The following RGS22 variants were observed in gnomAD, a reference collection of about 807,000 sequenced individuals.
RGS22 encodes the protein regulator of G protein signaling 22, also known as regulator of G-protein signaling 22.
RGS22 carries 148 observed loss-of-function variants against 172.9 expected under a neutral mutation model. The observed-to-expected ratio is 0.86, with a 90% CI of 0.75 to 0.98. The LOEUF is 0.98. Among genes scored for constraint, RGS22 ranks in the 50% least tolerant of loss-of-function variants. The probability of loss-of-function intolerance (pLI) is 0.00; values close to 1 mark genes in which losing one functional copy is unlikely to be tolerated. For synonymous variants in RGS22, 458 were observed against 480.2 expected (o/e 0.95, Z 0.60); for missense variants, 1,347 against 1,440.8 (o/e 0.93, Z 1.05).
intron 10 of RGS22, among the ~76,000 whole-genome samples, chr8:100,051,194 G>C (rs902852075): frequency 1.3e-5 from 2 of 151,436 alleles, no homozygotes; most frequent in African/African-American, 4.9e-5. Flanking sequence ...CAAAGCCCTG[G>C]AGATTTTTCT....
Position 100,070,042 on chromosome 8 carries a change from A to C in RGS22, c.594+1327T>G, listed in dbSNP as rs567260548. Among the ~76,000 whole-genome samples the C allele has an allele frequency of 1.2e-4, 18 of 150,104 alleles. No homozygotes were observed. The East Asian group carries it at 3.1e-3, about 26-fold the overall frequency. On this transcript the variant is annotated intron_variant, in intron 6 of 27. Coordinates refer to ENST00000360863, the MANE Select transcript of RGS22 (RefSeq NM_015668.5). ...GACTCTGTCTCAAAAAAAAAAAAAA[A>C]AAAAAACAAAACAAAACTAGGAGAG...
At chr8:99,983,365 T>C (rs1812749943) in intron 21 of RGS22, among the ~76,000 whole-genome samples, 1 of 152,188 alleles carries the variant, frequency 6.6e-6, no homozygotes, top group African/African-American at 2.4e-5. Flanking sequence ...TTTAATTTCT[T>C]TGAGAAATCT....
intron 16 of RGS22, 28 bp downstream of exon 16, chr8:100,005,985 AGTTT>A (rs1731771111): frequency 6.4e-7 from 1 of 1,554,808 alleles, no homozygotes; most frequent in Non-Finnish European, 8.9e-7. Context: ...CAGGATAAAA[AGTTT>A]GTTTTTCTAA....
At chr8:99,984,031 C>G (rs184714276) in intron 21 of RGS22, among the ~76,000 whole-genome samples, 9 of 152,316 alleles carry the variant, frequency 5.9e-5, no homozygotes, top group Non-Finnish European at 1.2e-4. Flanking sequence ...TGCCTGTAAT[C>G]CCAACAATTT....
intron 6 of RGS22, among the ~76,000 whole-genome samples, chr8:100,068,389 A>G (rs1810695240): frequency 6.6e-6 from 1 of 152,190 alleles, no homozygotes; most frequent in Admixed American, 6.5e-5. Flanking sequence ...GTCTCAACAA[A>G]AAACATTTTG....
chr8:99,965,185 A>G (rs1039017512), intron 24 of RGS22, 150 bp downstream of exon 24: 13 of 455,332 alleles, frequency 2.9e-5, no homozygotes, highest in African/African-American at 2.6e-4. Context: ...GAAGGCTCAA[A>G]GAAACTCCCT....
In RGS22 at chr8:100,041,912, T is replaced by C. The variant is rs181205438; in HGVS notation, c.1828A>G (p.Lys610Glu). 47 of 1,589,690 alleles carry C rather than the reference T, an allele frequency of 3.0e-5. No individual in the cohort carries two copies. In the East Asian group the frequency reaches 7.4e-4, roughly 25 times the overall value. Residue 610 changes from lysine to glutamate, a missense_variant, in exon 12 of 28, where the codon AAG (lysine) becomes GAG (glutamate). Lys to Glu is a moderately conservative substitution (Grantham distance 56, BLOSUM62 1). Coordinates refer to ENST00000360863, the MANE Select transcript of RGS22 (RefSeq NM_015668.5). ...SKDDVIEKGS[K>E]YMSESSKVIH... ...ACTTTGCTGCTTTCTGACATGTACT[T>C]TGACCTAAATTATAAGGATGAGAAC...
intron 14 of RGS22, among the ~76,000 whole-genome samples, chr8:100,021,480 T>C (rs1817594514): frequency 6.6e-6 from 1 of 152,220 alleles, no homozygotes; most frequent in Non-Finnish European, 1.5e-5. Flanking sequence ...CTTGGCCTGA[T>C]GAGAAAGTAC....
In RGS22 at chr8:100,106,015, C is replaced by A; in HGVS notation, c.-94G>T. On this transcript the variant is annotated 5_prime_UTR_variant, in exon 1 of 28. Transcript: ENST00000360863. ...GGTCAGGGCCTGAGCGACGCGGCGA[C>A]GGCGCGCGGGCTCCGGAGCTACGCT... The A allele has an allele frequency of 8.4e-7, 1 of 1,196,156 alleles. No individual in the cohort carries two copies. The highest frequency in any genetic ancestry group is 1.6e-5 in the African/African-American group (1 of 62,674). 74.1% of individuals were successfully genotyped at this position (1,196,156 alleles called of 1,614,324 possible). A position where few individuals can be genotyped will look rare whatever the true frequency, so the allele number is the denominator to read the frequency against.
At chr8:100,095,497 G>GT (rs1405756702) in intron 2 of RGS22, among the ~76,000 whole-genome samples, 1 of 152,022 alleles carries the variant, frequency 6.6e-6, no homozygotes, top group Non-Finnish European at 1.5e-5. Flanking sequence ...TTTTGTTGTT[G>GT]TTTTTTTCCT....
At chr8:100,062,798 A>G (rs372936254) in intron 8 of RGS22, 46 bp from the exon 9 acceptor site, 2 of 1,414,574 alleles carry the variant, frequency 1.4e-6, no homozygotes, top group African/African-American at 2.9e-5. Context: ...CATTGGTAGA[A>G]TATTCAACTA....
intron 4 of RGS22, among the ~76,000 whole-genome samples, chr8:100,076,449 T>G (rs899558157): frequency 6.6e-6 from 1 of 152,244 alleles, no homozygotes; most frequent in African/African-American, 2.4e-5. Context: ...CATTTAGTTT[T>G]GGCATCAGTG....
At chr8:100,087,014 G>A (rs1225666327) in intron 3 of RGS22, among the ~76,000 whole-genome samples, 2 of 152,122 alleles carry the variant, frequency 1.3e-5, no homozygotes, top group Admixed American at 6.5e-5. Flanking sequence ...CCAGGAGAAA[G>A]AGCCCTGGTC....
chr8:99,996,502 A>G lies in RGS22; in HGVS notation c.2978T>C (p.Leu993Pro). 6.2e-7 allele frequency: 1 copy of G among 1,613,568 alleles called. No individual in the cohort carries two copies. Among genetic ancestry groups the G allele is most frequent in the Non-Finnish European group, 8.5e-7 (1 of 1,179,658 alleles). The change falls in exon 20 of 28, where the codon CTC becomes CCC. Residue 993 changes from leucine to proline, a missense_variant. Coordinates refer to ENST00000360863, the MANE Select transcript of RGS22 (RefSeq NM_015668.5). ...TTTCTTTTCAGCCTTCTGTAGTAAG[A>G]GCTCTTCTGCTATGTCTTTCATCTG... ...KVQMKDIAEE[L>P]LLQKAEKKIG...
chr8:99,991,632 A>G lies in RGS22; in HGVS notation c.3019-4013T>C, dbSNP rs182564543. Among the ~76,000 whole-genome samples the G allele has an allele frequency of 2.6e-3, 396 of 152,346 alleles. 7 individuals are homozygous for G. The highest frequency in any genetic ancestry group is 0.019 in the East Asian group (101 of 5,186). ...GGGACTATGTGAAAAGACCAAATCT[A>G]CATTTTTGATTGGTGTACCTGAAAG... On this transcript the variant is annotated intron_variant, in intron 20 of 27. Coordinates refer to ENST00000360863, the MANE Select transcript of RGS22 (RefSeq NM_015668.5).
chr8:100,082,762 A>T (rs1667259337), intron 3 of RGS22, among the ~76,000 whole-genome samples: 1 of 152,192 alleles, frequency 6.6e-6, no homozygotes. Context: ...CTCTACACCA[A>T]GTTCTTTGCT....
At chr8:100,009,580 T>G (rs1816145999) in intron 14 of RGS22, among the ~76,000 whole-genome samples, 2 of 152,176 alleles carry the variant, frequency 1.3e-5, no homozygotes, top group African/African-American at 4.8e-5. Flanking sequence ...GTTTAAAAAA[T>G]GTTTGCATAC....
chr8:100,105,674 C>T lies in RGS22; in HGVS notation c.25+223G>A, dbSNP rs568256923. 3.5e-4 allele frequency: 199 copies of T among 571,116 alleles called. 1 individual carries two copies. The highest frequency in any genetic ancestry group is 5.7e-4 in the Non-Finnish European group (184 of 324,882). 35.4% of individuals were successfully genotyped at this position (571,116 alleles called of 1,614,324 possible). A position where few individuals can be genotyped will look rare whatever the true frequency, so the allele number is the denominator to read the frequency against. On this transcript the variant is annotated intron_variant, in intron 1 of 27. Transcript: ENST00000360863. ...ATAGACGGAACCCTCTATTATTCTA[C>T]GTACAATATGCAGAATTAAGCGAGA...
intron 18 of RGS22, among the ~76,000 whole-genome samples, chr8:100,000,889 C>T (rs1335855716): frequency 6.6e-6 from 1 of 152,182 alleles, no homozygotes; most frequent in African/African-American, 2.4e-5. Context: ...TCCTGCACCC[C>T]AAAGATCTAG....
Sources: allele counts gnomAD v4.1 joint callset (sites outside exome capture counted in the v4.1 genomes callset), GRCh38; gene constraint gnomAD v4.1.1; transcripts MANE v1.5; gene names NCBI Gene and HGNC (gene_info 2026-07-23, HGNC 2026-07-21).